PRKCH: variants seen among roughly 807,000 people sequenced by gnomAD.
The protein encoded by PRKCH is protein kinase C eta type.
Under a neutral mutation model 82.5 loss-of-function variants are expected in PRKCH, and 28 were observed. The ratio of observed to expected loss-of-function variants is 0.34; its 90% CI spans 0.25 to 0.47. The LOEUF (loss-of-function observed/expected upper bound fraction) is 0.47. PRKCH is among the 20% of genes least tolerant of loss of function. The pLI is 1.00. For synonymous variants in PRKCH, 322 were observed against 327.4 expected (o/e 0.98, Z 0.18); for missense variants, 705 against 881.8 (o/e 0.80, Z 2.54).
chr14:61,481,457 A>G (rs533763761), intron 9 of PRKCH, among the ~76,000 whole-genome samples: 11 of 152,308 alleles, frequency 7.2e-5, no homozygotes, highest in African/African-American at 2.6e-4. Context: ...CAAGGATGCA[A>G]CAATTTCTTT....
Position 61,322,370 on chromosome 14 carries a change from C to A in PRKCH, c.269C>A (p.Thr90Lys), listed in dbSNP as rs760717622. The change falls in exon 1 of 14, where the codon ACG (threonine) becomes AAG (lysine). Residue 90 changes from threonine (T) to lysine (K), a missense_variant. Transcript: ENST00000332981. ...CTCGAGTTGGCCGTCTTCCACGAGA[C>A]GCCCCTGGGCTACGACCACTTCGTG... ...GHLELAVFHE[T>K]PLGYDHFVAN... 6.2e-7 allele frequency: 1 copy of A among 1,613,324 alleles called. No homozygotes were observed. The highest frequency in any genetic ancestry group is 8.5e-7 in the Non-Finnish European group (1 of 1,179,864).
intron 9 of PRKCH, among the ~76,000 whole-genome samples, chr14:61,471,330 G>A (rs1885494594): frequency 1.3e-5 from 2 of 152,184 alleles, no homozygotes; most frequent in Admixed American, 1.3e-4. Flanking sequence ...GTTCAGTTTT[G>A]GGGACATTCA....
At chr14:61,487,684 TAAC>T (rs1886284209) in intron 10 of PRKCH, among the ~76,000 whole-genome samples, 1 of 151,978 alleles carries the variant, frequency 6.6e-6, no homozygotes, top group Admixed American at 6.6e-5. Context: ...AAAATAATAT[TAAC>T]AACAAGACCT....
chr14:61,483,672 G>T (rs116878578), intron 9 of PRKCH, among the ~76,000 whole-genome samples: 1 of 151,958 alleles, frequency 6.6e-6, no homozygotes, highest in East Asian at 1.9e-4. Flanking sequence ...GCAGGAGCAC[G>T]CACCCTGCTC....
At chr14:61,433,621 G>A (rs1261455515) in intron 2 of PRKCH, among the ~76,000 whole-genome samples, 3 of 151,960 alleles carry the variant, frequency 2.0e-5, no homozygotes, top group Non-Finnish European at 1.5e-5. Flanking sequence ...GCTTTCACGG[G>A]GATCATATGA....
At chr14:61,466,740 C>T (rs573280378) in intron 9 of PRKCH, among the ~76,000 whole-genome samples, 104 of 152,220 alleles carry the variant, frequency 6.8e-4, no homozygotes, top group African/African-American at 2.4e-3. Flanking sequence ...AGTTTAGGAT[C>T]CACCGCTTTC....
chr14:61,194,698 A>G (rs982602410), intron 1 of PRKCH, among the ~76,000 whole-genome samples: 1 of 152,180 alleles, frequency 6.6e-6, no homozygotes, highest in African/African-American at 2.4e-5. Context: ...GTTTCTACAT[A>G]GTTGTATTCT....
At chr14:61,300,955 C>G (rs747655398) in intron 1 of PRKCH, among the ~76,000 whole-genome samples, 2 of 152,152 alleles carry the variant, frequency 1.3e-5, no homozygotes, top group Non-Finnish European at 2.9e-5. Context: ...AAACATCACA[C>G]CTGGTCCAAC....
chr14:61,326,872 G>T, intron 1 of PRKCH: 3 of 236,684 alleles, frequency 1.3e-5, no homozygotes, highest in East Asian at 1.2e-4. Flanking sequence ...TGTTTATTTT[G>T]CATAATTTCT....
intron 1 of PRKCH, among the ~76,000 whole-genome samples, chr14:61,243,461 G>C (rs954451992): frequency 6.6e-6 from 1 of 151,868 alleles, no homozygotes; most frequent in African/African-American, 2.4e-5. Context: ...ATTCTAGGTG[G>C]AGAGAATAAC....
chr14:61,239,522 A>T (rs1371277296), intron 1 of PRKCH, among the ~76,000 whole-genome samples: 1 of 152,178 alleles, frequency 6.6e-6, no homozygotes, highest in Non-Finnish European at 1.5e-5. Context: ...TTCAGGGGGT[A>T]CGTGTCTTCC....
intron 1 of PRKCH, among the ~76,000 whole-genome samples, chr14:61,371,216 G>T (rs537353882): frequency 6.6e-6 from 1 of 152,218 alleles, no homozygotes; most frequent in South Asian, 2.1e-4. Flanking sequence ...AGATAGTGCA[G>T]AGAATTCCCA....
chr14:61,528,183 A>ACACACACACACACAC (rs1566929563), intron 10 of PRKCH: 30 of 38,602 alleles, frequency 7.8e-4, no homozygotes, highest in African/African-American at 1.7e-3. Flanking sequence ...CACACACACA[A>ACACACACACACACAC]AGTATTTCTT....
chr14:61,453,344 T>A lies in PRKCH; in HGVS notation c.951T>A (p.Ser317=), dbSNP rs558970769. 1 of 1,613,200 alleles carries A rather than the reference T, an allele frequency of 6.2e-7. No homozygotes were observed. The highest frequency in any genetic ancestry group is 1.3e-5 in the African/African-American group (1 of 74,998). The change falls in exon 7 of 14, where the codon TCT becomes TCA. Residue 317 remains serine, a synonymous_variant. Coordinates refer to ENST00000332981, the MANE Select transcript of PRKCH (RefSeq NM_006255.5). The part of the protein sequence containing the change: ...AGMGLQPGNI[S]PTSKLVSRST... ...TGGGTCTCCAACCCGGAAATATTTC[T>A]CCAACCTCGGTGAGACTTTGCTTTT...
At chr14:61,352,218 T>C (rs1027945882) in intron 1 of PRKCH, among the ~76,000 whole-genome samples, 3 of 152,354 alleles carry the variant, frequency 2.0e-5, no homozygotes, top group Middle Eastern at 3.4e-3. Context: ...TCTACTCTTG[T>C]AGGTTTCCTC....
At chr14:61,307,156 T>C (rs2045490672) in intron 1 of PRKCH, 1 of 152,198 alleles carries the variant, frequency 6.6e-6, no homozygotes, top group Non-Finnish European at 1.5e-5. Context: ...CCCAGCACTT[T>C]GGGAAGCTGA....
intron 10 of PRKCH, among the ~76,000 whole-genome samples, chr14:61,510,275 G>A (rs962875666): frequency 2.6e-5 from 4 of 152,100 alleles, no homozygotes; most frequent in Non-Finnish European, 5.9e-5. Context: ...TTGAGGAAGA[G>A]ACTAACGGGA....
intron 9 of PRKCH, among the ~76,000 whole-genome samples, chr14:61,474,482 G>A (rs1402741427): frequency 1.3e-5 from 2 of 152,044 alleles, no homozygotes; most frequent in African/African-American, 4.8e-5. Flanking sequence ...TGGGAACACT[G>A]CATGTTCTCA....
chr14:61,281,224 G>C (rs1239002843), intron 1 of PRKCH: 20 of 967,762 alleles, frequency 2.1e-5, no homozygotes, highest in Non-Finnish European at 2.3e-5. Flanking sequence ...TCCGCGCCGC[G>C]CAAGCCCGGG....
Sources: allele counts gnomAD v4.1 joint callset (sites outside exome capture counted in the v4.1 genomes callset), GRCh38; gene constraint gnomAD v4.1.1; transcripts MANE v1.5; gene names NCBI Gene and HGNC (gene_info 2026-07-23, HGNC 2026-07-21).